The following DIABLO variants were observed in gnomAD, a reference collection of about 807,000 sequenced individuals.
DIABLO encodes diablo homolog, mitochondrial.
DIABLO carries 32 observed loss-of-function variants against 31.7 expected under a neutral mutation model. The observed-to-expected ratio is 1.01, with a 90% confidence interval of 0.76 to 1.35. The LOEUF (loss-of-function observed/expected upper bound fraction) is 1.35. Ranked by LOEUF, DIABLO falls within the 40% of genes most tolerant of loss-of-function variation. DIABLO has a pLI of 0.00. For synonymous variants in DIABLO, 132 were observed against 103.2 expected (o/e 1.28, Z -1.69); for missense variants, 316 against 286.4 (o/e 1.10, Z -0.75).
chr12:122,209,980 T>C, intron 5 of DIABLO: 2 of 584,914 alleles, frequency 3.4e-6, no homozygotes, highest in Non-Finnish European at 6.1e-6. Flanking sequence ...GTTTTGGGCA[T>C]ATGTTAAGTG....
chr12:122,224,569 C>T lies in DIABLO; in HGVS notation c.126G>A (p.Trp42Ter), dbSNP rs375794725. ...KRCFSELIRP[W>*]HKTVTIGFGV... The stretch of plus-strand genomic sequence containing the variant: ...CAAAGCCAATCGTCACAGTTTTGTG[C>T]CATGGTCTTATCAATTCTGAGAAAC... Residue 42 changes from tryptophan (W) to a stop codon, truncating the protein, a stop_gained, in exon 2 of 6, where the codon TGG becomes TGA. Transcript: ENST00000464942. LOFTEE classifies it high-confidence loss of function. 29 of 1,613,798 alleles carry T rather than the reference C, an allele frequency of 1.8e-5. No homozygotes were observed. Among genetic ancestry groups the T allele is most frequent in the Non-Finnish European group, 2.2e-5 (26 of 1,180,018 alleles).
Position 122,208,268 on chromosome 12 carries a change from C to T in DIABLO, c.*113G>A, listed in dbSNP as rs1341643363. 2 of 1,287,822 alleles carry T rather than the reference C, an allele frequency of 1.6e-6. No individual in the cohort carries two copies. The highest frequency in any genetic ancestry group is 1.8e-5 in the Admixed American group (1 of 55,890). 79.8% of individuals were successfully genotyped at this position (1,287,822 alleles called of 1,614,324 possible). The stretch of plus-strand genomic sequence containing the variant: ...AGGCGTCTCGCCTGATTGGCCAGGG[C>T]AGGATCTGCCGCCTCTTCTCGGTGC... On this transcript the variant is annotated 3_prime_UTR_variant, in exon 6 of 6. Coordinates refer to ENST00000464942, the MANE Select transcript of DIABLO (RefSeq NM_001371333.1).
chr12:122,215,869 T>C (rs1954198389), intron 5 of DIABLO, among the ~76,000 whole-genome samples: 1 of 122,692 alleles, frequency 8.2e-6, no homozygotes, highest in Non-Finnish European at 1.6e-5. Flanking sequence ...AAACCCCATC[T>C]CTATTTTATG....
chr12:122,213,134 G>A (rs1006824863), intron 5 of DIABLO, among the ~76,000 whole-genome samples: 8 of 151,996 alleles, frequency 5.3e-5, no homozygotes, highest in African/African-American at 1.4e-4. Flanking sequence ...GTCTGGTCTC[G>A]AACTCCTGAG....
chr12:122,215,056 G>C (rs557069381), intron 5 of DIABLO, among the ~76,000 whole-genome samples: 1 of 152,142 alleles, frequency 6.6e-6, no homozygotes, highest in South Asian at 2.1e-4. Context: ...GGCTGGGTGC[G>C]GTGGCTCGCA....
chr12:122,215,653 A>C (rs1040107745), intron 5 of DIABLO, among the ~76,000 whole-genome samples: 2 of 152,038 alleles, frequency 1.3e-5, no homozygotes, highest in Non-Finnish European at 2.9e-5. Context: ...GGGACCACTC[A>C]GGTAGGATGT....
rs1461067275 is a variant in DIABLO, at chr12:122,225,975, A to G, written c.40T>C (p.Ser14Pro). ...CGGCCGCAGCGGTACCTGAAGAATG[A>G]AGTTACGCTGCGCGACAGCCAACTC... is the stretch of plus-strand genomic sequence containing the variant. ...LKSWLSRSVTSFFRYRQCLCV... is the reference protein window; with the variant it reads ...LKSWLSRSVTPFFRYRQCLCV... Residue 14 changes from serine to proline, a missense_variant, in exon 1 of 6, where the codon TCA (serine) becomes CCA (proline). Physicochemically the swap from Ser to Pro is moderately conservative, Grantham distance 74. Transcript: ENST00000464942. The G allele has an allele frequency of 6.3e-7, 1 of 1,599,928 alleles. No individual in the cohort carries two copies. Among genetic ancestry groups the G allele is most frequent in the Non-Finnish European group, 8.5e-7 (1 of 1,174,050 alleles).
chr12:122,217,087 A>G lies in DIABLO; in HGVS notation c.316-218T>C, dbSNP rs142026051. On this transcript the variant is annotated intron_variant, in intron 3 of 5. Coordinates refer to ENST00000464942, the MANE Select transcript of DIABLO (RefSeq NM_001371333.1). ...CTGTGTTTTTAAAAGCTTGTCAGCAATTCAGACACAGAAAGAGAAAACAAT... is the reference window on the plus strand; with the variant it reads ...CTGTGTTTTTAAAAGCTTGTCAGCAGTTCAGACACAGAAAGAGAAAACAAT... The G allele has an allele frequency of 2.1e-3, 1,075 of 512,362 alleles. 9 individuals carry two copies. The highest frequency in any genetic ancestry group is 0.019 in the African/African-American group (999 of 52,000). The allele number at this position is 512,362 out of a possible 1,614,324, so 31.7% of individuals were successfully genotyped here.
chr12:122,213,239 A>G (rs1954127134), intron 5 of DIABLO, among the ~76,000 whole-genome samples: 1 of 152,032 alleles, frequency 6.6e-6, no homozygotes, highest in Non-Finnish European at 1.5e-5. Flanking sequence ...TAAAAAAGTG[A>G]AATCATAAGG....
intron 5 of DIABLO, among the ~76,000 whole-genome samples, chr12:122,210,586 A>G (rs533829465): frequency 8.6e-5 from 13 of 150,670 alleles, no homozygotes; most frequent in South Asian, 4.2e-4. Context: ...TCACCACGTT[A>G]GCCAGGATGG....
At chr12:122,226,106 G>GC (rs1212947299), upstream of DIABLO, 3 of 1,519,818 alleles carry the variant, frequency 2.0e-6, no homozygotes, top group Non-Finnish European at 2.7e-6. Context: ...AGAGCGCCTC[G>GC]CCCCATAGCC....
At position 122,207,896 on chromosome 12, in the gene DIABLO, G is replaced by C; in HGVS notation, c.*485C>G. On this transcript the variant is annotated 3_prime_UTR_variant, in exon 6 of 6. Coordinates refer to ENST00000464942, the MANE Select transcript of DIABLO (RefSeq NM_001371333.1). ...CTGTCCTCACAGGACAGTGGGGGCA[G>C]ATCAGAGAACACATCAGAAATACAT... 1 of 460,690 alleles carries C rather than the reference G, an allele frequency of 2.2e-6. No homozygotes were observed. The highest frequency in any genetic ancestry group is 1.5e-5 in the South Asian group (1 of 64,530). The allele number at this position is 460,690 out of a possible 1,614,324, so 28.5% of individuals were successfully genotyped here. A position where few individuals can be genotyped will look rare whatever the true frequency, so the allele number is the denominator to read the frequency against.
chr12:122,208,708 TTC>T (rs760933363), intron 5 of DIABLO, 131 bp from the exon 6 acceptor site: 1 of 866,838 alleles, frequency 1.2e-6, no homozygotes, highest in Non-Finnish European at 1.9e-6. Context: ...CCTCCCTGTC[TTC>T]TCTCTCTGCA....
At chr12:122,215,882 GGA>G (rs769118633) in intron 5 of DIABLO, among the ~76,000 whole-genome samples, 2,197 of 20,904 alleles carry the variant, frequency 0.11, 53 homozygotes, top group East Asian at 0.3. Flanking sequence ...ATTTTATGAA[GGA>G]AAAAAAAAAA....
intron 5 of DIABLO, among the ~76,000 whole-genome samples, chr12:122,213,904 G>A (rs1480844986): frequency 6.6e-6 from 1 of 152,096 alleles, no homozygotes; most frequent in African/African-American, 2.4e-5. Flanking sequence ...GGCCAACATG[G>A]TGAAACTCCG....
At chr12:122,225,553 G>A in intron 1 of DIABLO, 2 of 1,160,924 alleles carry the variant, frequency 1.7e-6, no homozygotes, top group South Asian at 1.9e-5. Context: ...TAGGTAGAGA[G>A]CCCTGCGCCA....
At chr12:122,216,153 G>A (rs894489641) in intron 5 of DIABLO, among the ~76,000 whole-genome samples, 1 of 152,128 alleles carries the variant, frequency 6.6e-6, no homozygotes, top group African/African-American at 2.4e-5. Flanking sequence ...TCAGCCAACG[G>A]TGTAATTCTA....
In DIABLO at chr12:122,226,039, C is replaced by T. The variant is rs1221397544; in HGVS notation, c.-25G>A. On this transcript the variant is annotated 5_prime_UTR_variant, in exon 1 of 6. Transcript: ENST00000464942. ...TTGTGCAGCGCGCGGACGCCAGACG[C>T]ACACGCCGGAAGTGACGCAGCTTCG... 7 of 1,596,792 alleles carry T rather than the reference C, an allele frequency of 4.4e-6. No homozygotes were observed. In the East Asian group the frequency reaches 1.6e-4, roughly 36 times the overall value.
Position 122,226,032 on chromosome 12 carries a change from C to A in DIABLO, c.-18G>T, listed in dbSNP as rs1036822307. The A allele has an allele frequency of 5.6e-6, 9 of 1,599,752 alleles. No homozygotes were observed. The African/African-American group carries it at 8.0e-5, about 14-fold the overall frequency. ...GCCGCCATTGTGCAGCGCGCGGACG[C>A]CAGACGCACACGCCGGAAGTGACGC... On this transcript the variant is annotated 5_prime_UTR_variant, in exon 1 of 6. Transcript: ENST00000464942.
Sources: allele counts gnomAD v4.1 joint callset (sites outside exome capture counted in the v4.1 genomes callset), GRCh38; gene constraint gnomAD v4.1.1; transcripts MANE v1.5; gene names NCBI Gene and HGNC (gene_info 2026-07-23, HGNC 2026-07-21).